The following VGLL4 variants were observed in gnomAD, a reference collection of about 807,000 sequenced individuals.
VGLL4 encodes the protein vestigial like family member 4, also known as transcription cofactor vestigial-like protein 4.
A neutral mutation model predicts 21.0 loss-of-function variants in VGLL4; 7 were observed. That is an observed-to-expected ratio of 0.33 (90% CI 0.19 to 0.63). VGLL4 has a LOEUF of 0.63. Among genes scored for constraint, VGLL4 ranks in the 20% least tolerant of loss-of-function variants. VGLL4 has a pLI of 0.78. For synonymous variants in VGLL4, 222 were observed against 173.2 expected (o/e 1.28, Z -2.21); for missense variants, 394 against 425.7 (o/e 0.93, Z 0.66).
intron 2 of VGLL4, chr3:11,671,355 G>C: frequency 8.4e-7 from 1 of 1,184,338 alleles, no homozygotes; most frequent in East Asian, 2.3e-5. Context: ...TCCGCAGCGA[G>C]GACTACGATT....
chr3:11,601,632 C>G (rs979358949), intron 2 of VGLL4, among the ~76,000 whole-genome samples: 7 of 152,222 alleles, frequency 4.6e-5, no homozygotes, highest in African/African-American at 1.7e-4. Context: ...GGAGGGAAGC[C>G]AGACTTCCAC....
intron 2 of VGLL4, among the ~76,000 whole-genome samples, chr3:11,569,105 T>A (rs527451364): frequency 6.6e-6 from 1 of 152,180 alleles, no homozygotes; most frequent in Non-Finnish European, 1.5e-5. Context: ...AGCAGTGACA[T>A]TGAAAGAATC....
chr3:11,564,738 TC>T, intron 3 of VGLL4, 58 bp downstream of exon 3: 1 of 1,487,872 alleles, frequency 6.7e-7, no homozygotes. Flanking sequence ...GGGCTCTCCA[TC>T]CAGCCCAGTC....
At chr3:11,647,961 G>A (rs1353515689), upstream of VGLL4, among the ~76,000 whole-genome samples, 1 of 147,892 alleles carries the variant, frequency 6.8e-6, no homozygotes, top group Non-Finnish European at 1.5e-5. Flanking sequence ...GATTCTGATT[G>A]TACTTCAGGG....
intron 2 of VGLL4, among the ~76,000 whole-genome samples, chr3:11,596,207 A>G (rs947862080): frequency 1.6e-4 from 25 of 152,204 alleles, no homozygotes; most frequent in Non-Finnish European, 3.2e-4. Flanking sequence ...TACTCAAAAA[A>G]TAAAATTTGA....
chr3:11,695,052 CTT>C (rs11457651), intron 2 of VGLL4, among the ~76,000 whole-genome samples: 22 of 138,476 alleles, frequency 1.6e-4, no homozygotes, highest in Admixed American at 2.2e-4. Context: ...TGTTCTCATT[CTT>C]TTTTTTTTTT....
At chr3:11,695,024 TGTACTTAC>T (rs2076584086) in intron 2 of VGLL4, among the ~76,000 whole-genome samples, 1 of 152,114 alleles carries the variant, frequency 6.6e-6, no homozygotes, top group East Asian at 1.9e-4. Flanking sequence ...ATAATCATAT[TGTACTTAC>T]GTAAGGGAAT....
At chr3:11,674,011 CAAAAAAAAAA>C (rs11293628) in intron 2 of VGLL4, among the ~76,000 whole-genome samples, 113 of 56,900 alleles carry the variant, frequency 2.0e-3, no homozygotes, top group Non-Finnish European at 3.2e-3. Context: ...GACTTTGTCT[CAAAAAAAAAA>C]AAAAAAAAAA....
Position 11,563,778 on chromosome 3 carries a change from G to A in VGLL4, c.495+1019C>T, listed in dbSNP as rs370585037. Among the ~76,000 whole-genome samples the A allele has an allele frequency of 1.4e-4, 22 of 152,306 alleles. No individual in the cohort carries two copies. In the South Asian group the frequency reaches 4.4e-3, roughly 30 times the overall value. The stretch of plus-strand genomic sequence containing the variant: ...GTCTGTGCCATTTTGTTAAATGGAT[G>A]AATCAAACAAACAGGATTACCATGT... On this transcript the variant is annotated intron_variant, in intron 3 of 4. Coordinates refer to ENST00000430365, the MANE Select transcript of VGLL4 (RefSeq NM_001128219.3).
At chr3:11,677,134 G>A (rs1654566022) in intron 2 of VGLL4, among the ~76,000 whole-genome samples, 1 of 152,068 alleles carries the variant, frequency 6.6e-6, no homozygotes, top group African/African-American at 2.4e-5. Context: ...ATATCACTGT[G>A]CAAATCTCAG....
chr3:11,631,025 T>C (rs1042859687), intron 1 of VGLL4, among the ~76,000 whole-genome samples: 1 of 152,130 alleles, frequency 6.6e-6, no homozygotes, highest in Non-Finnish European at 1.5e-5. Context: ...ATGAGCAAAT[T>C]GTGGTATACG....
intron 1 of VGLL4, among the ~76,000 whole-genome samples, chr3:11,717,490 A>ATTTTTTTTTTTTTTTTT (rs60921966): frequency 2.7e-5 from 2 of 72,948 alleles, no homozygotes; most frequent in African/African-American, 6.5e-5. Context: ...CCCACTACAG[A>ATTTTTTTTTTTTTTTTT]TTTTTTTTTT....
intron 2 of VGLL4, among the ~76,000 whole-genome samples, chr3:11,598,570 G>A (rs985570981): frequency 2.6e-5 from 4 of 151,974 alleles, no homozygotes; most frequent in Non-Finnish European, 4.4e-5. Context: ...CCTCACTGCA[G>A]TCTTAAACTC....
intron 2 of VGLL4, among the ~76,000 whole-genome samples, chr3:11,584,167 G>A (rs1046351107): frequency 4.6e-5 from 7 of 152,060 alleles, no homozygotes; most frequent in South Asian, 4.2e-4. Flanking sequence ...TTTCCCCAAC[G>A]CATTTGACAG....
In VGLL4 at chr3:11,564,135, C is replaced by A. The variant is rs188161453; in HGVS notation, c.495+662G>T. On this transcript the variant is annotated intron_variant, in intron 3 of 4. Transcript: ENST00000430365. Reference sequence around the variant, plus strand: ...GAGAGCTCAAGCAGTAATTTTGAGCCTCCTCAATGCTGCTGCCTTCTCCCA... The same window carrying A: ...GAGAGCTCAAGCAGTAATTTTGAGCATCCTCAATGCTGCTGCCTTCTCCCA... Among the ~76,000 whole-genome samples the A allele has an allele frequency of 3.5e-3, 537 of 152,334 alleles. 5 individuals are homozygous for A. Among genetic ancestry groups the A allele is most frequent in the Admixed American group, 7.5e-3 (115 of 15,312 alleles).
intron 1 of VGLL4, among the ~76,000 whole-genome samples, chr3:11,634,003 G>A (rs2075538078): frequency 6.6e-6 from 1 of 152,144 alleles, no homozygotes; most frequent in South Asian, 2.1e-4. Flanking sequence ...CCTCGTAAGA[G>A]AGGAGTTCCC....
chr3:11,596,753 T>C (rs1243772675), intron 2 of VGLL4, among the ~76,000 whole-genome samples: 2 of 152,228 alleles, frequency 1.3e-5, no homozygotes, highest in African/African-American at 4.8e-5. Context: ...AACTAGATTT[T>C]TAATTTTAAT....
intron 1 of VGLL4, among the ~76,000 whole-genome samples, chr3:11,630,625 A>G (rs562040657): frequency 6.6e-6 from 1 of 152,276 alleles, no homozygotes; most frequent in East Asian, 1.9e-4. Context: ...CAGCCTGGAC[A>G]ACAAGAGTGA....
At chr3:11,651,724 G>A (rs1448733735) in intron 2 of VGLL4, among the ~76,000 whole-genome samples, 4 of 150,824 alleles carry the variant, frequency 2.7e-5, no homozygotes, top group East Asian at 1.9e-4. Flanking sequence ...TATCAATGAC[G>A]TACAGTAAGT....
Sources: allele counts gnomAD v4.1 joint callset (sites outside exome capture counted in the v4.1 genomes callset), GRCh38; gene constraint gnomAD v4.1.1; transcripts MANE v1.5; gene names NCBI Gene and HGNC (gene_info 2026-07-23, HGNC 2026-07-21).